Variants in TASP1 observed in about 807,000 individuals in gnomAD.
TASP1 encodes the protein taspase 1.
Under a neutral mutation model 56.6 loss-of-function variants are expected in TASP1, and 16 were observed. The observed-to-expected ratio is 0.28, with a 90% CI of 0.19 to 0.43. The LOEUF (loss-of-function observed/expected upper bound fraction) is 0.43. Among genes scored for constraint, TASP1 ranks in the 20% least tolerant of loss-of-function variants. The pLI is 1.00. For missense variants in TASP1, 393 were observed against 511.6 expected, an observed-to-expected ratio of 0.77 and a Z score of 2.24; for synonymous variants, 179 against 184.2, an observed-to-expected ratio of 0.97 and a Z score of 0.23.
chr20:13,142,607 A>G, the TASP1 span, among the ~76,000 whole-genome samples: 8 of 152,178 alleles, frequency 5.3e-5, no homozygotes, highest in African/African-American at 1.9e-4. Flanking sequence ...CTTAGTGACC[A>G]TTGAATATAT....
the TASP1 span, among the ~76,000 whole-genome samples, chr20:13,301,424 A>C: frequency 7.2e-5 from 11 of 152,286 alleles, no homozygotes; most frequent in South Asian, 1.0e-3. Context: ...CCTGGCCTCA[A>C]GTGTTCTGCC....
chr20:13,121,680 G>A, the TASP1 span, among the ~76,000 whole-genome samples: 1 of 152,130 alleles, frequency 6.6e-6, no homozygotes, highest in East Asian at 1.9e-4. Context: ...GGGAACGAGA[G>A]GGGGAATTAG....
chr20:13,359,188 C>G, the TASP1 span, among the ~76,000 whole-genome samples: 3 of 143,086 alleles, frequency 2.1e-5, no homozygotes, highest in African/African-American at 8.5e-5. Context: ...ACACCTGAAC[C>G]GCAGTGGCCA....
chr20:13,224,841 C>CTTTTTTTTTTT, the TASP1 span, among the ~76,000 whole-genome samples: 1 of 107,258 alleles, frequency 9.3e-6, no homozygotes, highest in Non-Finnish European at 1.9e-5. Context: ...AGCTTTCTTT[C>CTTTTTTTTTTT]TTTTTTTTTT....
At chr20:13,592,118 G>A (rs1209369694) in intron 4 of TASP1, among the ~76,000 whole-genome samples, 1 of 152,054 alleles carries the variant, frequency 6.6e-6, no homozygotes, top group Non-Finnish European at 1.5e-5. Context: ...ATTAAATTTA[G>A]CTGGGCACAG....
intron 7 of TASP1, among the ~76,000 whole-genome samples, chr20:13,565,013 A>C (rs1258749515): frequency 6.6e-6 from 1 of 151,990 alleles, no homozygotes; most frequent in Non-Finnish European, 1.5e-5. Flanking sequence ...TCTCAAAAAA[A>C]AAAAAAAAAA....
the TASP1 span, among the ~76,000 whole-genome samples, chr20:13,194,718 A>G: frequency 6.6e-6 from 1 of 152,170 alleles, no homozygotes. Context: ...TTAAAATTTG[A>G]CAAAGAGATA....
At chr20:13,123,598 A>T in the TASP1 span, among the ~76,000 whole-genome samples, 3 of 152,134 alleles carry the variant, frequency 2.0e-5, no homozygotes, top group Non-Finnish European at 2.9e-5. Context: ...CCTGCGTTAT[A>T]TTCCCTCCAA....
chr20:13,607,864 G>A (rs559961549), intron 4 of TASP1, among the ~76,000 whole-genome samples: 1 of 152,174 alleles, frequency 6.6e-6, no homozygotes, highest in Non-Finnish European at 1.5e-5. Context: ...CTACTCAGAA[G>A]GCTGAAGCAG....
At chr20:13,234,672 T>C in the TASP1 span, among the ~76,000 whole-genome samples, 414 of 152,340 alleles carry the variant, frequency 2.7e-3, 2 homozygotes, top group African/African-American at 9.5e-3. Flanking sequence ...TGGTATCTCA[T>C]TGTGGTTTTA....
chr20:13,157,442 A>T, the TASP1 span, among the ~76,000 whole-genome samples: 123 of 152,246 alleles, frequency 8.1e-4, no homozygotes, highest in Middle Eastern at 3.4e-3. Context: ...CATGTCAAAA[A>T]AAAAATTACT....
At chr20:13,321,253 T>TAAAAAAAA in the TASP1 span, among the ~76,000 whole-genome samples, 17 of 57,506 alleles carry the variant, frequency 3.0e-4, no homozygotes, top group Admixed American at 4.1e-4. Context: ...GTGCCCCACA[T>TAAAAAAAA]AAAAAAAAAA....
At chr20:13,474,259 T>C (rs529732421) in intron 11 of TASP1, among the ~76,000 whole-genome samples, 1 of 152,270 alleles carries the variant, frequency 6.6e-6, no homozygotes, top group East Asian at 1.9e-4. Context: ...CTGTGCCCAA[T>C]ATGTAGTCTT....
At chr20:13,367,178 A>G in the TASP1 span, among the ~76,000 whole-genome samples, 2 of 152,244 alleles carry the variant, frequency 1.3e-5, no homozygotes, top group Non-Finnish European at 2.9e-5. Flanking sequence ...ATCCTGGTAG[A>G]GTAATAGATT....
the TASP1 span, among the ~76,000 whole-genome samples, chr20:13,303,443 G>A: frequency 6.6e-6 from 1 of 152,198 alleles, no homozygotes; most frequent in African/African-American, 2.4e-5. Context: ...TGATCCATGG[G>A]TGAAAACAAA....
At chr20:13,351,156 G>T in the TASP1 span, among the ~76,000 whole-genome samples, 1 of 152,070 alleles carries the variant, frequency 6.6e-6, no homozygotes. Flanking sequence ...CATTAGAATG[G>T]CTTAAAAAAA....
At chr20:13,453,699 C>A (rs1247975879) in intron 11 of TASP1, among the ~76,000 whole-genome samples, 1 of 151,962 alleles carries the variant, frequency 6.6e-6, no homozygotes, top group African/African-American at 2.4e-5. Context: ...CATACTGAAC[C>A]CCATTCTAGA....
chr20:13,528,328 A>G (rs1347332931), intron 10 of TASP1, 105 bp downstream of exon 10: 2 of 905,400 alleles, frequency 2.2e-6, no homozygotes, highest in South Asian at 2.1e-5. Context: ...ACATCCATAC[A>G]CTGTCATAGC....
At chr20:13,318,160 T>TAAATAAATAAAAAAAA in the TASP1 span, among the ~76,000 whole-genome samples, 2 of 151,148 alleles carry the variant, frequency 1.3e-5, no homozygotes, top group African/African-American at 4.9e-5. Context: ...AATAAATAAA[T>TAAATAAATAAAAAAAA]AAAAATGAGC....
Sources: allele counts gnomAD v4.1 joint callset (sites outside exome capture counted in the v4.1 genomes callset), GRCh38; gene constraint gnomAD v4.1.1; transcripts MANE v1.5; gene names NCBI Gene and HGNC (gene_info 2026-07-23, HGNC 2026-07-21).